NKAIN2: variants seen among roughly 807,000 people sequenced by gnomAD.
NKAIN2 encodes sodium/potassium transporting ATPase interacting 2, also known as sodium/potassium-transporting ATPase subunit beta-1-interacting protein 2.
NKAIN2 carries 14 observed loss-of-function variants against 32.6 expected under a neutral mutation model. That is an observed-to-expected ratio of 0.43 (90% CI 0.28 to 0.67). The LOEUF is 0.67. Among genes scored for constraint, NKAIN2 ranks in the 30% least tolerant of loss-of-function variants. The pLI, the probability that NKAIN2 is intolerant of heterozygous loss-of-function variation, is 0.17. For missense variants in NKAIN2, 198 were observed against 258.3 expected, an observed-to-expected ratio of 0.77 and a Z score of 1.60; for synonymous variants, 80 against 87.2, an observed-to-expected ratio of 0.92 and a Z score of 0.46.
At chr6:124,461,355 A>C (rs1027520049) in intron 3 of NKAIN2, among the ~76,000 whole-genome samples, 2 of 151,740 alleles carry the variant, frequency 1.3e-5, no homozygotes, top group Admixed American at 1.3e-4. Context: ...CCACACTTTA[A>C]TTAATTGAAG....
chr6:124,182,863 T>C (rs1222379946), intron 1 of NKAIN2, among the ~76,000 whole-genome samples: 2 of 152,146 alleles, frequency 1.3e-5, no homozygotes, highest in Non-Finnish European at 2.9e-5. Context: ...AACATACAGA[T>C]GAGAAGTCTG....
At chr6:124,732,901 G>T (rs1318521039) in intron 4 of NKAIN2, among the ~76,000 whole-genome samples, 1 of 151,840 alleles carries the variant, frequency 6.6e-6, no homozygotes, top group African/African-American at 2.4e-5. Context: ...GTTCTTAATT[G>T]CCAAAGATTG....
chr6:124,153,520 T>C (rs1023118164), intron 1 of NKAIN2, among the ~76,000 whole-genome samples: 1 of 151,870 alleles, frequency 6.6e-6, no homozygotes, highest in Non-Finnish European at 1.5e-5. Flanking sequence ...TTCTACTTAT[T>C]AAATCTTCTT....
At chr6:124,543,200 A>G (rs1164719632) in intron 3 of NKAIN2, among the ~76,000 whole-genome samples, 2 of 152,220 alleles carry the variant, frequency 1.3e-5, no homozygotes, top group African/African-American at 4.8e-5. Context: ...TAAAAATTAA[A>G]AAATGTGGTT....
chr6:124,752,864 A>C (rs1777789444), intron 4 of NKAIN2, among the ~76,000 whole-genome samples: 3 of 152,232 alleles, frequency 2.0e-5, no homozygotes, highest in Middle Eastern at 3.4e-3. Context: ...TGAATCTGAC[A>C]TATATACAGA....
At chr6:124,521,459 A>C (rs1034521906) in intron 3 of NKAIN2, among the ~76,000 whole-genome samples, 1 of 152,138 alleles carries the variant, frequency 6.6e-6, no homozygotes, top group Non-Finnish European at 1.5e-5. Context: ...ATTTATTTAA[A>C]TGTTCCTGTG....
intron 4 of NKAIN2, among the ~76,000 whole-genome samples, chr6:124,767,935 A>G (rs1390250575): frequency 6.6e-6 from 1 of 152,238 alleles, no homozygotes; most frequent in African/African-American, 2.4e-5. Flanking sequence ...AGCACACAGT[A>G]GATTCCCAAC....
At chr6:124,369,284 T>C (rs1313834102) in intron 3 of NKAIN2, among the ~76,000 whole-genome samples, 3 of 152,196 alleles carry the variant, frequency 2.0e-5, no homozygotes, top group African/African-American at 7.2e-5. Flanking sequence ...TCATGTAAAA[T>C]AACAAGAATA....
intron 4 of NKAIN2, among the ~76,000 whole-genome samples, chr6:124,786,679 A>C (rs1301538576): frequency 2.0e-5 from 3 of 151,804 alleles, no homozygotes; most frequent in South Asian, 4.1e-4. Flanking sequence ...TGAAGGTGAA[A>C]AGATAAATAA....
chr6:124,319,074 C>T (rs1797072020), intron 2 of NKAIN2, among the ~76,000 whole-genome samples: 1 of 152,048 alleles, frequency 6.6e-6, no homozygotes, highest in African/African-American at 2.4e-5. Flanking sequence ...ATGTGCCCCA[C>T]TGAGATAGGA....
chr6:124,381,142 T>C (rs1162396511), intron 3 of NKAIN2, among the ~76,000 whole-genome samples: 1 of 152,168 alleles, frequency 6.6e-6, no homozygotes, highest in Non-Finnish European at 1.5e-5. Context: ...CCAACTGTCT[T>C]CTATTAAGCT....
At chr6:124,408,171 G>C (rs1186894166) in intron 3 of NKAIN2, among the ~76,000 whole-genome samples, 206 of 151,834 alleles carry the variant, frequency 1.4e-3, no homozygotes, top group African/African-American at 3.7e-3. Context: ...ATGGTAGTTT[G>C]TTTTGCTGTG....
chr6:124,753,079 G>A (rs1388892869), intron 4 of NKAIN2, among the ~76,000 whole-genome samples: 2 of 152,092 alleles, frequency 1.3e-5, no homozygotes, highest in Non-Finnish European at 2.9e-5. Context: ...CACTTTATCA[G>A]TGTGAAATTC....
intron 1 of NKAIN2, among the ~76,000 whole-genome samples, chr6:123,832,266 A>G (rs75196875): frequency 0.058 from 8,866 of 152,252 alleles, 292 homozygotes; most frequent in African/African-American, 0.08. Flanking sequence ...ACTTAATAAT[A>G]CGCATTTAAA....
At chr6:124,266,821 T>C (rs140331919) in intron 1 of NKAIN2, among the ~76,000 whole-genome samples, 1 of 152,300 alleles carries the variant, frequency 6.6e-6, no homozygotes, top group Non-Finnish European at 1.5e-5. Flanking sequence ...AGTGCATGGA[T>C]ATAGATATAA....
At chr6:124,046,957 T>A (rs1355586736) in intron 1 of NKAIN2, among the ~76,000 whole-genome samples, 1 of 152,000 alleles carries the variant, frequency 6.6e-6, no homozygotes, top group Non-Finnish European at 1.5e-5. Flanking sequence ...GAGTTTTTGG[T>A]TTTTGGTAAG....
At chr6:124,553,163 G>T (rs947303707) in intron 3 of NKAIN2, among the ~76,000 whole-genome samples, 25 of 152,108 alleles carry the variant, frequency 1.6e-4, no homozygotes, top group Admixed American at 1.4e-3. Context: ...TTTATGTTTA[G>T]CAATGAATCG....
At chr6:124,415,416 G>T (rs1278200579) in intron 3 of NKAIN2, among the ~76,000 whole-genome samples, 5 of 152,188 alleles carry the variant, frequency 3.3e-5, no homozygotes, top group African/African-American at 1.2e-4. Context: ...AGGCATGGGG[G>T]ATGGAGTGTG....
intron 2 of NKAIN2, among the ~76,000 whole-genome samples, chr6:124,327,584 TG>T (rs1797473408): frequency 6.6e-6 from 1 of 152,144 alleles, no homozygotes; most frequent in Non-Finnish European, 1.5e-5. Context: ...AATTTTATAA[TG>T]GGGATAATAA....
Sources: gnomAD v4.1 joint callset for allele counts (sites outside exome capture counted in the v4.1 genomes callset) on GRCh38, gnomAD v4.1.1 for gene constraint, MANE v1.5 for transcripts, NCBI Gene and HGNC (gene_info 2026-07-23, HGNC 2026-07-21) for gene names.